The following CDAN1 variants were observed in gnomAD, a reference collection of about 807,000 sequenced individuals.
CDAN1 encodes the protein codanin-1.
Under a neutral mutation model 139.8 loss-of-function variants are expected in CDAN1, and 107 were observed. The observed-to-expected ratio is 0.77, with a 90% CI of 0.65 to 0.90. The LOEUF (loss-of-function observed/expected upper bound fraction) is 0.90, where lower values mean the gene tolerates loss of function less well. Ranked by LOEUF, CDAN1 falls within the 40% of genes least tolerant of loss-of-function variation. The pLI is 0.00. For synonymous variants in CDAN1, 776 were observed against 660.6 expected, an observed-to-expected ratio of 1.17 and a Z score of -2.68; for missense variants, 1,667 against 1,575.7, an observed-to-expected ratio of 1.06 and a Z score of -0.98.
chr15:42,734,916 G>A (rs1279162767), intron 6 of CDAN1, among the ~76,000 whole-genome samples, 184 bp downstream of exon 6: 1 of 151,850 alleles, frequency 6.6e-6, no homozygotes, highest in African/African-American at 2.4e-5. Context: ...ACCACACCTG[G>A]CCCGATCTCA....
Position 42,726,303 on chromosome 15 carries a change from A to T in CDAN1, c.3204+7T>A, listed in dbSNP as rs1000279491. ...AAAGCCCCCCGGTGGCAGATGCCACAGCTCACCTGGCGGCACCGCAGCGTC... is the reference window on the plus strand; with the variant it reads ...AAAGCCCCCCGGTGGCAGATGCCACTGCTCACCTGGCGGCACCGCAGCGTC... On this transcript the variant is annotated splice_region_variant and intron_variant, in intron 24 of 27. Coordinates refer to ENST00000356231, the MANE Select transcript of CDAN1 (RefSeq NM_138477.4). The T allele has an allele frequency of 1.0e-5, 16 of 1,587,880 alleles. No homozygotes were observed. The highest frequency in any genetic ancestry group is 1.3e-5 in the Non-Finnish European group (15 of 1,166,894).
chr15:42,735,258 G>T lies in CDAN1; in HGVS notation c.1057+3C>A. The T allele has an allele frequency of 1.2e-6, 2 of 1,605,378 alleles. No homozygotes were observed. Among genetic ancestry groups the T allele is most frequent in the South Asian group, 2.2e-5 (2 of 89,806 alleles). On this transcript the variant is annotated splice_donor_region_variant and intron_variant, in intron 5 of 27. Transcript: ENST00000356231. ...TGTCTCAAAAGGAGGCTTGCTCACTGACCTAGGACAGCTGGACTTAGTTCA... is the reference window on the plus strand; with the variant it reads ...TGTCTCAAAAGGAGGCTTGCTCACTTACCTAGGACAGCTGGACTTAGTTCA...
intron 9 of CDAN1, among the ~76,000 whole-genome samples, chr15:42,732,850 G>A (rs2061632676): frequency 1.3e-5 from 2 of 152,264 alleles, no homozygotes; most frequent in African/African-American, 4.8e-5. Flanking sequence ...TAAGAGCTTT[G>A]GACTTTCTAA....
At chr15:42,732,735 T>C (rs2061630605) in intron 9 of CDAN1, among the ~76,000 whole-genome samples, 1 of 152,196 alleles carries the variant, frequency 6.6e-6, no homozygotes, top group South Asian at 2.1e-4. Context: ...CCCAGGCATC[T>C]ACCTGCACAG....
rs760054066 is a variant in CDAN1, at chr15:42,736,963, C to G, written c.90+50G>C. The G allele has an allele frequency of 2.6e-6, 4 of 1,518,990 alleles. No homozygotes were observed. The South Asian group carries it at 4.9e-5, about 19-fold the overall frequency. 94.1% of individuals were successfully genotyped at this position (1,518,990 alleles called of 1,614,324 possible). On this transcript the variant is annotated intron_variant, in intron 1 of 27. Transcript: ENST00000356231. ...AAGGGGACTGGAGGGCTGGACTCCA[C>G]TGCGGGAACCGGCTTCGAGTCAGAC... is the stretch of plus-strand genomic sequence containing the variant.
chr15:42,726,437 A>AT lies in CDAN1; in HGVS notation c.3097-21dup. On this transcript the variant is annotated intron_variant, in intron 23 of 27. Coordinates refer to ENST00000356231, the MANE Select transcript of CDAN1 (RefSeq NM_138477.4). ...CACGTCCTGTGAAGAGCAGGGGGAG[A>AT]TATCACCTTGCGCTGGGGGCCAGGA... 6.4e-7 allele frequency: 1 copy of AT among 1,558,444 alleles called. No individual in the cohort carries two copies. Among genetic ancestry groups the AT allele is most frequent in the South Asian group, 1.2e-5 (1 of 85,280 alleles).
chr15:42,725,990 AAAAAAAAAAAG>A, intron 25 of CDAN1, 96 bp downstream of exon 25: 1 of 879,702 alleles, frequency 1.1e-6, no homozygotes, highest in East Asian at 3.0e-5. Context: ...AAAAAAAAAA[AAAAAAAAAAAG>A]GGACAGAAGA....
intron 20 of CDAN1, 56 bp downstream of exon 20, chr15:42,728,596 A>C: frequency 1.2e-6 from 2 of 1,607,328 alleles, no homozygotes; most frequent in South Asian, 2.2e-5. Context: ...GAAGGAGGAA[A>C]GAAAGGACAG....
chr15:42,735,985 G>A lies in CDAN1; in HGVS notation c.663C>T (p.Ser221=), dbSNP rs771192460. ...PKTCFTSPPI[S]CVPSSQPSAL... The stretch of plus-strand genomic sequence containing the variant: ...CTGAGGGTTGGGAACTGGGGACACA[G>A]CTGATTGGGGGTGAGGTGAAGCAGG... The change falls in exon 3 of 28, where the codon AGC becomes AGT. Residue 221 remains serine, a synonymous_variant. Transcript: ENST00000356231. 6.2e-7 allele frequency: 1 copy of A among 1,614,200 alleles called. No individual in the cohort carries two copies. The highest frequency in any genetic ancestry group is 1.7e-5 in the Admixed American group (1 of 60,034).
intron 23 of CDAN1, chr15:42,727,256 C>CAT (rs1359489591): frequency 4.8e-6 from 1 of 208,320 alleles, no homozygotes; most frequent in African/African-American, 2.3e-5. Context: ...TCACCTCCCA[C>CAT]ATAGAACATT....
chr15:42,730,257 G>A (rs770046801), intron 14 of CDAN1, 42 bp from the exon 15 acceptor site: 2 of 1,552,538 alleles, frequency 1.3e-6, no homozygotes, highest in African/African-American at 1.4e-5. Context: ...AGCAGAAAGG[G>A]GAAGGGAATG....
Position 42,735,907 on chromosome 15 carries a change from C to T in CDAN1, c.741G>A (p.Leu247=). 6.2e-7 allele frequency: 1 copy of T among 1,614,178 alleles called. No homozygotes were observed. The highest frequency in any genetic ancestry group is 2.2e-5 in the East Asian group (1 of 44,872). Residue 247 remains leucine (L), a synonymous_variant, in exon 3 of 28, where the codon CTG becomes CTA. Transcript: ENST00000356231. ...TCCTGAGCATCTCTCGCTCCTCTTGCAGACTTCTGCACCCTGGGGGAAGGC... is the reference window on the plus strand; with the variant it reads ...TCCTGAGCATCTCTCGCTCCTCTTGTAGACTTCTGCACCCTGGGGGAAGGC... The part of the protein sequence containing the change: ...GLGLPPGCRS[L]QEEREMLRKE...
chr15:42,726,205 T>A (rs370604256), intron 24 of CDAN1, 45 bp from the exon 25 acceptor site: 34 of 1,607,934 alleles, frequency 2.1e-5, no homozygotes, highest in Non-Finnish European at 2.7e-5. Flanking sequence ...GGTATCACCA[T>A]GCTTACTGCT....
intron 8 of CDAN1, 128 bp downstream of exon 8, chr15:42,733,810 G>A (rs1413020374): frequency 1.4e-6 from 1 of 727,720 alleles, no homozygotes; most frequent in African/African-American, 1.7e-5. Flanking sequence ...TGGCCGGCAG[G>A]AAGGACCTGG....
chr15:42,736,180 C>A (rs2061684373), intron 2 of CDAN1, 102 bp from the exon 3 acceptor site: 1 of 1,571,512 alleles, frequency 6.4e-7, no homozygotes, highest in Non-Finnish European at 8.6e-7. Flanking sequence ...CCCACAAAAA[C>A]CCTCACCATC....
chr15:42,727,338 G>T (rs111834741), intron 23 of CDAN1: 1 of 372,356 alleles, frequency 2.7e-6, no homozygotes, highest in South Asian at 9.2e-5. Context: ...ATTCACCACC[G>T]CACTCTCATC....
rs897518893 is a variant in CDAN1 at position 42,724,333 on chromosome 15, G to T, written c.*158C>A. 4.1e-6 allele frequency: 4 copies of T among 965,778 alleles called. No individual in the cohort carries two copies. The highest frequency in any genetic ancestry group is 2.7e-5 in the East Asian group (1 of 36,792). 59.8% of individuals were successfully genotyped at this position (965,778 alleles called of 1,614,324 possible). A position where few individuals can be genotyped will look rare whatever the true frequency, so the allele number is the denominator to read the frequency against. ...CTCTCCTTCCTCTAGGATTCGCGTG[G>T]TGGGATGCCAGGCAGTGACACCCTT... On this transcript the variant is annotated 3_prime_UTR_variant, in exon 28 of 28. Coordinates refer to ENST00000356231, the MANE Select transcript of CDAN1 (RefSeq NM_138477.4).
intron 6 of CDAN1, 137 bp from the exon 7 acceptor site, chr15:42,734,483 C>G: frequency 1.9e-6 from 2 of 1,061,546 alleles, no homozygotes; most frequent in Middle Eastern, 2.7e-4. Flanking sequence ...GGTCATGGGC[C>G]AAGGATCAAA....
intron 20 of CDAN1, 117 bp downstream of exon 20, chr15:42,728,535 G>T (rs893540643): frequency 2.1e-6 from 3 of 1,426,352 alleles, no homozygotes; most frequent in African/African-American, 2.8e-5. Context: ...TGGGCGCAGG[G>T]AGAAGAAAAA....
Sources: allele counts gnomAD v4.1 joint callset (sites outside exome capture counted in the v4.1 genomes callset), GRCh38; gene constraint gnomAD v4.1.1; transcripts MANE v1.5; gene names NCBI Gene and HGNC (gene_info 2026-07-23, HGNC 2026-07-21).